CCDC171: variants seen among roughly 807,000 people sequenced by gnomAD.
The protein encoded by CCDC171 is coiled-coil domain-containing protein 171.
A neutral mutation model predicts 168.2 loss-of-function variants in CCDC171; 177 were observed. The observed-to-expected ratio is 1.05, with a 90% CI of 0.93 to 1.19. The LOEUF (loss-of-function observed/expected upper bound fraction) is 1.19. CCDC171 is among the 50% of genes most tolerant of loss of function. The pLI is 0.00. For missense variants in CCDC171, 1,991 were observed against 1,539.0 expected (o/e 1.29, Z -4.91); for synonymous variants, 687 against 540.8 (o/e 1.27, Z -3.75).
chr9:15,703,382 G>C (rs978696801), intron 11 of CCDC171, among the ~76,000 whole-genome samples: 1 of 152,156 alleles, frequency 6.6e-6, no homozygotes, highest in African/African-American at 2.4e-5. Context: ...GCGAATCCTT[G>C]TTTATATCCA....
chr9:15,757,072 G>A (rs148213364), intron 18 of CCDC171, among the ~76,000 whole-genome samples: 42 of 152,290 alleles, frequency 2.8e-4, no homozygotes, highest in Admixed American at 7.2e-4. Context: ...AGAGTGGGGC[G>A]TTGCTGAAAA....
chr9:15,982,899 C>G (rs1041062890), intron 3 of CCDC171, among the ~76,000 whole-genome samples: 2 of 152,146 alleles, frequency 1.3e-5, no homozygotes, highest in Admixed American at 1.3e-4. Flanking sequence ...TGGGTAGATT[C>G]TGCAAGAAGG....
At chr9:15,974,222 A>G (rs1831554411), downstream of CCDC171, among the ~76,000 whole-genome samples, 1 of 152,062 alleles carries the variant, frequency 6.6e-6, no homozygotes, top group African/African-American at 2.4e-5. Flanking sequence ...TACCAAATAT[A>G]GTAATATTTA....
intron 6 of CCDC171, among the ~76,000 whole-genome samples, chr9:15,602,896 G>A (rs1038405758): frequency 4.6e-5 from 7 of 152,038 alleles, no homozygotes; most frequent in Admixed American, 2.6e-4. Context: ...GACCTCAGGC[G>A]ATCTGCCTGC....
chr9:16,102,807 A>G, the CCDC171 span, among the ~76,000 whole-genome samples: 1 of 151,952 alleles, frequency 6.6e-6, no homozygotes, highest in Non-Finnish European at 1.5e-5. Context: ...CAGCATGGAG[A>G]GCTTCTTTTC....
intron 21 of CCDC171, among the ~76,000 whole-genome samples, chr9:15,838,488 A>G (rs1052354252): frequency 1.4e-4 from 21 of 152,212 alleles, no homozygotes; most frequent in African/African-American, 4.8e-4. Context: ...ATGGCCTTCT[A>G]TTACAATAGT....
At chr9:15,830,497 G>T (rs2060185875) in intron 21 of CCDC171, among the ~76,000 whole-genome samples, 3 of 152,108 alleles carry the variant, frequency 2.0e-5, no homozygotes, top group Admixed American at 2.0e-4. Flanking sequence ...CAGCTGCCTG[G>T]CCTTTTCAAT....
intron 23 of CCDC171, among the ~76,000 whole-genome samples, chr9:15,867,987 A>G (rs1170849000): frequency 2.0e-5 from 3 of 152,058 alleles, no homozygotes; most frequent in Non-Finnish European, 2.9e-5. Flanking sequence ...CCTATTTTCC[A>G]GCTTGATAAT....
chr9:15,638,547 A>G (rs916338820), intron 7 of CCDC171, among the ~76,000 whole-genome samples: 5 of 152,124 alleles, frequency 3.3e-5, no homozygotes, highest in African/African-American at 1.2e-4. Flanking sequence ...ATCAAACTAA[A>G]GCAACTAATA....
chr9:16,106,489 C>T, the CCDC171 span, among the ~76,000 whole-genome samples: 1 of 152,198 alleles, frequency 6.6e-6, no homozygotes, highest in Non-Finnish European at 1.5e-5. Context: ...AGGCAGCATT[C>T]ACAGGATGGC....
intron 25 of CCDC171, among the ~76,000 whole-genome samples, chr9:15,958,528 A>G (rs1830035508): frequency 1.4e-5 from 2 of 142,606 alleles, no homozygotes; most frequent in South Asian, 4.2e-4. Context: ...ATTATATTAT[A>G]TTATATTATA....
chr9:15,777,682 G>C lies in CCDC171; in HGVS notation c.2754G>C (p.Leu918=), dbSNP rs748524167. 13 of 1,613,672 alleles carry C rather than the reference G, an allele frequency of 8.1e-6. No individual in the cohort carries two copies. Among genetic ancestry groups the C allele is most frequent in the East Asian group, 2.2e-5 (1 of 44,882 alleles). The change falls in exon 19 of 26, where the codon CTG becomes CTC. Residue 918 remains leucine (L), a synonymous_variant. Transcript: ENST00000380701. ...CAAAACTCATGGATAAAATTAGTCT[G>C]GTAATGGAATGTATACCTCTGCACA... ...SFAKLMDKIS[L]VMECIPLHSS...
chr9:15,810,599 C>T lies in CCDC171; in HGVS notation c.3267+25905C>T, dbSNP rs187420184. On this transcript the variant is annotated intron_variant, in intron 21 of 25. Coordinates refer to ENST00000380701, the MANE Select transcript of CCDC171 (RefSeq NM_173550.4). ...CAATTTGAGCACGGTGCGGGCGGGC[C>T]GGCAGTGCTGGGGAATCTGGTGCAC... 2.0e-3 allele frequency among the ~76,000 whole-genome samples: 305 copies of T among 152,256 alleles called. 4 individuals carry two copies. Among genetic ancestry groups the T allele is most frequent in the Admixed American group, 2.9e-3 (45 of 15,308 alleles).
intron 14 of CCDC171, among the ~76,000 whole-genome samples, chr9:15,725,256 A>C (rs1286412365): frequency 1.3e-5 from 2 of 152,158 alleles, no homozygotes; most frequent in Non-Finnish European, 1.5e-5. Flanking sequence ...TATGCTCCTA[A>C]CAGTCCTTTC....
chr9:15,574,752 A>G (rs1185174165), intron 3 of CCDC171, among the ~76,000 whole-genome samples: 1 of 152,176 alleles, frequency 6.6e-6, no homozygotes, highest in Non-Finnish European at 1.5e-5. Context: ...ACACAAATGC[A>G]CGGTGATTGG....
At chr9:15,577,185 A>G (rs1213956716) in intron 3 of CCDC171, among the ~76,000 whole-genome samples, 3 of 152,178 alleles carry the variant, frequency 2.0e-5, no homozygotes, top group African/African-American at 7.2e-5. Flanking sequence ...TCATAACCTT[A>G]TCTGCCCTGG....
chr9:16,091,588 G>T, the CCDC171 span, among the ~76,000 whole-genome samples: 1 of 152,180 alleles, frequency 6.6e-6, no homozygotes, highest in African/African-American at 2.4e-5. Flanking sequence ...CAGTCAGAGG[G>T]GAACGGGAGA....
At chr9:15,882,242 T>G (rs1420407142) in intron 24 of CCDC171, among the ~76,000 whole-genome samples, 1 of 152,216 alleles carries the variant, frequency 6.6e-6, no homozygotes, top group African/African-American at 2.4e-5. Flanking sequence ...TGTTTTCTTT[T>G]GAGAAATATC....
At chr9:15,812,578 A>G (rs2059402926) in intron 21 of CCDC171, among the ~76,000 whole-genome samples, 1 of 152,318 alleles carries the variant, frequency 6.6e-6, no homozygotes, top group South Asian at 2.1e-4. Context: ...TACTGTCCTC[A>G]ATGTTCATTT....
Sources: allele counts gnomAD v4.1 joint callset (sites outside exome capture counted in the v4.1 genomes callset), GRCh38; gene constraint gnomAD v4.1.1; transcripts MANE v1.5; gene names NCBI Gene and HGNC (gene_info 2026-07-23, HGNC 2026-07-21).